The following PLCH1 variants were observed in gnomAD, a reference collection of about 807,000 sequenced individuals.
The protein encoded by PLCH1 is phospholipase C eta 1.
A neutral mutation model predicts 126.7 loss-of-function variants in PLCH1; 60 were observed. The ratio of observed to expected loss-of-function variants is 0.47; its 90% CI spans 0.38 to 0.59. PLCH1 has a LOEUF of 0.59. PLCH1 is among the 20% of genes least tolerant of loss of function. PLCH1 has a pLI of 0.00. For missense variants in PLCH1, 1,723 were observed against 2,040.0 expected (o/e 0.84, Z 2.99); for synonymous variants, 719 against 734.9 (o/e 0.98, Z 0.35).
intron 1 of PLCH1, among the ~76,000 whole-genome samples, chr3:155,705,779 A>G (rs966464326): frequency 2.0e-5 from 3 of 151,990 alleles, no homozygotes; most frequent in Non-Finnish European, 2.9e-5. Context: ...GATTCACCCA[A>G]TGCTGCTAGG....
intron 10 of PLCH1, among the ~76,000 whole-genome samples, chr3:155,525,129 G>A (rs1274908417): frequency 6.6e-6 from 1 of 152,126 alleles, no homozygotes; most frequent in Non-Finnish European, 1.5e-5. Context: ...AGAACAGCCT[G>A]GGCAACATAG....
chr3:155,673,180 T>A (rs999349043), intron 2 of PLCH1, among the ~76,000 whole-genome samples: 2 of 149,308 alleles, frequency 1.3e-5, no homozygotes, highest in African/African-American at 2.5e-5. Flanking sequence ...CCTGACATCA[T>A]CCTCATCATA....
intron 2 of PLCH1, among the ~76,000 whole-genome samples, chr3:155,682,064 C>A (rs145682293): frequency 1.9e-4 from 29 of 152,296 alleles, no homozygotes; most frequent in Admixed American, 1.8e-3. Context: ...CTGTGCAAAT[C>A]ACAGAAATAA....
chr3:155,551,831 CT>C (rs1401953143), intron 9 of PLCH1, among the ~76,000 whole-genome samples: 1 of 152,092 alleles, frequency 6.6e-6, no homozygotes, highest in African/African-American at 2.4e-5. Context: ...TTTATTAACT[CT>C]TTTAATTTGA....
chr3:155,486,026 G>T (rs1422963937), intron 21 of PLCH1: 14 of 679,926 alleles, frequency 2.1e-5, no homozygotes, highest in African/African-American at 5.4e-5. Context: ...GCGCCTTAAA[G>T]CAACAGATGC....
At chr3:155,678,312 G>T (rs1294402477) in intron 2 of PLCH1, among the ~76,000 whole-genome samples, 2 of 152,192 alleles carry the variant, frequency 1.3e-5, no homozygotes, top group African/African-American at 4.8e-5. Flanking sequence ...ATTCTGAGTG[G>T]CTCTGGGGCA....
At chr3:155,611,194 A>G (rs1226298435) in intron 2 of PLCH1, among the ~76,000 whole-genome samples, 1 of 152,160 alleles carries the variant, frequency 6.6e-6, no homozygotes, top group Non-Finnish European at 1.5e-5. Flanking sequence ...GTTCAAGACT[A>G]GCCTGGATAA....
intron 2 of PLCH1, among the ~76,000 whole-genome samples, chr3:155,700,934 G>C (rs942275318): frequency 6.6e-6 from 1 of 152,154 alleles, no homozygotes; most frequent in African/African-American, 2.4e-5. Context: ...TAAAAGTCAA[G>C]TAGGGGAAGA....
chr3:155,540,077 A>G (rs976003526), intron 10 of PLCH1, among the ~76,000 whole-genome samples: 2 of 152,304 alleles, frequency 1.3e-5, no homozygotes, highest in South Asian at 4.1e-4. Context: ...AGAACCCAGA[A>G]AGAAAGCCAA....
intron 2 of PLCH1, among the ~76,000 whole-genome samples, chr3:155,615,290 G>A (rs552537271): frequency 2.6e-5 from 4 of 152,228 alleles, no homozygotes; most frequent in Non-Finnish European, 4.4e-5. Flanking sequence ...AATACTAAGT[G>A]TTGGCATGGA....
At chr3:155,532,340 G>A (rs1722811048) in intron 10 of PLCH1, among the ~76,000 whole-genome samples, 1 of 152,172 alleles carries the variant, frequency 6.6e-6, no homozygotes, top group Admixed American at 6.5e-5. Context: ...AGCTCTGTGA[G>A]ACAGCTGAAA....
intron 1 of PLCH1, among the ~76,000 whole-genome samples, chr3:155,716,490 A>T (rs358723): frequency 0.39 from 59,266 of 152,058 alleles, 12,822 homozygotes; most frequent in African/African-American, 0.56. Flanking sequence ...ATGGCACCAG[A>T]TCTGCTTCTG....
chr3:155,703,352 C>T (rs548763194), intron 2 of PLCH1, among the ~76,000 whole-genome samples: 2 of 152,340 alleles, frequency 1.3e-5, no homozygotes, highest in Admixed American at 6.5e-5. Context: ...GTTCCCTCTA[C>T]AATTCCACAG....
Position 155,522,801 on chromosome 3 carries a change from A to G in PLCH1, c.1470+1096T>C, listed in dbSNP as rs1221843060. On this transcript the variant is annotated intron_variant, in intron 11 of 22. Coordinates refer to ENST00000460012, the MANE Select transcript of PLCH1 (RefSeq NM_014996.4). ...TAGAAATAAAATTCTATACCAAACTATCATCCCTGTGTGCTCCTCTCAGGT... is the reference window on the plus strand; with the variant it reads ...TAGAAATAAAATTCTATACCAAACTGTCATCCCTGTGTGCTCCTCTCAGGT... Among the ~76,000 whole-genome samples the G allele has an allele frequency of 3.3e-5, 5 of 151,380 alleles. No homozygotes were observed. The East Asian group carries it at 5.8e-4, about 18-fold the overall frequency.
chr3:155,628,356 GAAA>G (rs34200511), intron 2 of PLCH1, among the ~76,000 whole-genome samples: 7,127 of 98,072 alleles, frequency 0.073, 220 homozygotes, highest in Middle Eastern at 0.15. Flanking sequence ...CTATGCCCAG[GAAA>G]AAAAAAAAAA....
intron 11 of PLCH1, among the ~76,000 whole-genome samples, chr3:155,520,414 T>C (rs1720928912): frequency 6.6e-6 from 1 of 152,204 alleles, no homozygotes; most frequent in Non-Finnish European, 1.5e-5. Flanking sequence ...TTGCTACATG[T>C]CACTGCACCA....
At chr3:155,518,550 T>A (rs1202476466) in intron 11 of PLCH1, among the ~76,000 whole-genome samples, 2 of 152,034 alleles carry the variant, frequency 1.3e-5, no homozygotes, top group Admixed American at 6.5e-5. Context: ...CATGCACAGG[T>A]TCATATTTTA....
At chr3:155,520,212 C>T (rs186129701) in intron 11 of PLCH1, among the ~76,000 whole-genome samples, 1 of 152,164 alleles carries the variant, frequency 6.6e-6, no homozygotes, top group African/African-American at 2.4e-5. Flanking sequence ...ACCTTGTAAC[C>T]TCAAGAGGTA....
At chr3:155,622,931 A>G (rs1235942285) in intron 2 of PLCH1, among the ~76,000 whole-genome samples, 8 of 152,056 alleles carry the variant, frequency 5.3e-5, no homozygotes, top group Non-Finnish European at 1.2e-4. Context: ...CATCTACAGA[A>G]CTCTCCACCC....
Sources: allele counts gnomAD v4.1 joint callset (sites outside exome capture counted in the v4.1 genomes callset), GRCh38; gene constraint gnomAD v4.1.1; transcripts MANE v1.5; gene names NCBI Gene and HGNC (gene_info 2026-07-23, HGNC 2026-07-21).